Variants in KCNQ1 observed in about 807,000 individuals in gnomAD.
KCNQ1 encodes the protein potassium voltage-gated channel subfamily KQT member 1.
A neutral mutation model predicts 72.4 loss-of-function variants in KCNQ1; 49 were observed. That is an observed-to-expected ratio of 0.68 (90% CI 0.54 to 0.86). The LOEUF is 0.86. Among genes scored for constraint, KCNQ1 ranks in the 40% least tolerant of loss-of-function variants. KCNQ1 has a pLI of 0.00. For missense variants in KCNQ1, 790 were observed against 945.1 expected (o/e 0.84, Z 2.15); for synonymous variants, 450 against 412.6 (o/e 1.09, Z -1.10).
chr11:2,728,584 G>A (rs1302319160), intron 11 of KCNQ1, among the ~76,000 whole-genome samples: 3 of 152,198 alleles, frequency 2.0e-5, no homozygotes, highest in Non-Finnish European at 4.4e-5. Context: ...CAGCAGAGCC[G>A]GGCCTTGGGA....
intron 10 of KCNQ1, chr11:2,619,697 A>G (rs1283069976): frequency 5.1e-6 from 2 of 392,634 alleles, no homozygotes; most frequent in African/African-American, 2.1e-5. Context: ...GTTAGGAAGT[A>G]TTCCCTTTAG....
intron 1 of KCNQ1, among the ~76,000 whole-genome samples, chr11:2,520,529 G>A (rs1847364165): frequency 6.6e-6 from 1 of 152,116 alleles, no homozygotes; most frequent in Non-Finnish European, 1.5e-5. Context: ...CCACTGGTGA[G>A]GGGGGTGACC....
chr11:2,676,726 T>A lies in KCNQ1; in HGVS notation c.1514+14645T>A, dbSNP rs1850301668. On this transcript the variant is annotated intron_variant, in intron 11 of 15. Transcript: ENST00000155840. The surrounding 1 kb of genome is among the most constrained non-coding windows in gnomAD (Gnocchi z 4.2). The stretch of plus-strand genomic sequence containing the variant: ...GCAGGAGATAACCAAGTCATATGCA[T>A]AGTGGCTTTGGGTACGATGGTCTGC... The A allele has an allele frequency of 2.5e-6, 1 of 398,538 alleles. No individual in the cohort carries two copies. The highest frequency in any genetic ancestry group is 4.4e-6 in the Non-Finnish European group (1 of 226,094). The allele number at this position is 398,538 out of a possible 1,614,324, so 24.7% of individuals were successfully genotyped here.
In KCNQ1 at chr11:2,818,471, T is replaced by A. The variant is rs536740063; in HGVS notation, c.1795-29296T>A. 3.9e-5 allele frequency among the ~76,000 whole-genome samples: 6 copies of A among 152,142 alleles called. No individual in the cohort carries two copies. Among genetic ancestry groups the A allele is most frequent in the Non-Finnish European group, 8.8e-5 (6 of 68,006 alleles). On this transcript the variant is annotated intron_variant, in intron 15 of 15. Transcript: ENST00000155840. The surrounding 1 kb of genome is among the most constrained non-coding windows in gnomAD (Gnocchi z 7.2). ...TCCTCAGAGGAAGAGCAAGGGTAGG[T>A]GCCTCTGGCATGAGCCAGATGATGG...
rs1846880261 is a variant in KCNQ1 at position 2,784,648 on chromosome 11, T to C, written c.1794+6611T>C. 6.6e-6 allele frequency among the ~76,000 whole-genome samples: 1 copy of C among 151,962 alleles called. No individual in the cohort carries two copies. The highest frequency in any genetic ancestry group is 2.4e-5 in the African/African-American group (1 of 41,450). On this transcript the variant is annotated intron_variant, in intron 15 of 15. Coordinates refer to ENST00000155840, the MANE Select transcript of KCNQ1 (RefSeq NM_000218.3). This position sits in a 1 kb window ranked among gnomAD's most constrained non-coding sequence, Gnocchi z 4.7. ...ATTGACAACTTAACAAAATTGAGTATTGTAATCAATGAACATGGTATATCC... is the reference window on the plus strand; with the variant it reads ...ATTGACAACTTAACAAAATTGAGTACTGTAATCAATGAACATGGTATATCC...
rs1464283552 is a variant in KCNQ1 at position 2,478,905 on chromosome 11, C to T, written c.386+33421C>T. 6.6e-6 allele frequency among the ~76,000 whole-genome samples: 1 copy of T among 152,230 alleles called. No homozygotes were observed. Among genetic ancestry groups the T allele is most frequent in the Non-Finnish European group, 1.5e-5 (1 of 68,050 alleles). ...TTAATTCCTAGACACAATTAGGGTA[C>T]AGGCCTTGGATAAATACACCCATTT... is the stretch of plus-strand genomic sequence containing the variant. On this transcript the variant is annotated intron_variant, in intron 1 of 15. Transcript: ENST00000155840. The surrounding 1 kb of genome is among the most constrained non-coding windows in gnomAD (Gnocchi z 4.0).
At chr11:2,820,249 T>A (rs112345568) in intron 15 of KCNQ1, among the ~76,000 whole-genome samples, 239 of 152,336 alleles carry the variant, frequency 1.6e-3, no homozygotes, top group African/African-American at 5.3e-3. Context: ...CCCACACTCT[T>A]GGCATGTAAT....
chr11:2,454,495 G>T (rs1224223679), intron 1 of KCNQ1, among the ~76,000 whole-genome samples: 2 of 152,134 alleles, frequency 1.3e-5, no homozygotes, highest in African/African-American at 4.8e-5. Flanking sequence ...GGTTACTGCT[G>T]AAGACAAATA....
intron 2 of KCNQ1, among the ~76,000 whole-genome samples, chr11:2,569,791 T>C (rs1848301124): frequency 6.6e-6 from 1 of 152,234 alleles, no homozygotes; most frequent in East Asian, 1.9e-4. Context: ...CCAAGCCCAC[T>C]GAGCCTGGCC....
At chr11:2,820,691 T>C (rs1486449232) in intron 15 of KCNQ1, among the ~76,000 whole-genome samples, 1 of 152,228 alleles carries the variant, frequency 6.6e-6, no homozygotes, top group Non-Finnish European at 1.5e-5. Context: ...TTCATTTGTT[T>C]TTCCTGCCCC....
Position 2,745,504 on chromosome 11 carries a change from A to G in KCNQ1, c.1515-23340A>G, listed in dbSNP as rs1846123876. 6.6e-6 allele frequency among the ~76,000 whole-genome samples: 1 copy of G among 152,142 alleles called. No individual in the cohort carries two copies. The highest frequency in any genetic ancestry group is 2.4e-5 in the African/African-American group (1 of 41,436). ...CCATGTCATACTTTCTATCAGCTCT[A>G]TTGATTGATCTTTTGATCCTGCTGA... On this transcript the variant is annotated intron_variant, in intron 11 of 15. Transcript: ENST00000155840. The surrounding 1 kb of genome is among the most constrained non-coding windows in gnomAD (Gnocchi z 6.2).
At chr11:2,556,882 C>A (rs1476635899) in intron 2 of KCNQ1, among the ~76,000 whole-genome samples, 1 of 152,122 alleles carries the variant, frequency 6.6e-6, no homozygotes, top group Non-Finnish European at 1.5e-5. Context: ...ACATGTGGCT[C>A]AACTAAACAA....
intron 11 of KCNQ1, among the ~76,000 whole-genome samples, chr11:2,709,544 G>A (rs1590045990): frequency 6.6e-6 from 1 of 151,984 alleles, no homozygotes; most frequent in Non-Finnish European, 1.5e-5. Context: ...TTTTTAGTAC[G>A]TTCAGAGTTG....
chr11:2,777,666 G>C (rs1846734167), intron 14 of KCNQ1: 1 of 595,388 alleles, frequency 1.7e-6, no homozygotes. Context: ...GTCGCCCTGG[G>C]AGTGGAATGG....
At chr11:2,631,212 C>T (rs754825410) in intron 10 of KCNQ1, 8 of 398,368 alleles carry the variant, frequency 2.0e-5, no homozygotes, top group Non-Finnish European at 3.1e-5. Context: ...TCTATAAATC[C>T]TGTGTGAACA....
intron 7 of KCNQ1, among the ~76,000 whole-genome samples, chr11:2,584,215 T>C (rs1243446524): frequency 6.6e-6 from 1 of 152,160 alleles, no homozygotes; most frequent in Non-Finnish European, 1.5e-5. Flanking sequence ...TATCAGTATG[T>C]TTGCATATGT....
chr11:2,689,748 T>A (rs1850558243), intron 11 of KCNQ1: 1 of 398,540 alleles, frequency 2.5e-6, no homozygotes, highest in South Asian at 1.3e-4. Flanking sequence ...CTCATTTGTT[T>A]ACAGGAGACT....
At chr11:2,461,716 T>G in intron 1 of KCNQ1, 2 of 1,366,066 alleles carry the variant, frequency 1.5e-6, no homozygotes, top group Non-Finnish European at 2.0e-6. Flanking sequence ...TGGCATGGAG[T>G]AGGTACCCCG....
chr11:2,588,615 G>A lies in KCNQ1; in HGVS notation c.1252-98G>A, dbSNP rs1014788483. The A allele has an allele frequency of 2.4e-5, 35 of 1,471,490 alleles. No individual in the cohort carries two copies. The South Asian group carries it at 3.3e-4, about 14-fold the overall frequency. 91.2% of individuals were successfully genotyped at this position (1,471,490 alleles called of 1,614,324 possible). ...TCCCTGTCCGGGTGTATGTGGCGGG[G>A]GCTGGGCTCGGGGCGGCTGCACAGG... On this transcript the variant is annotated intron_variant, in intron 9 of 15. Coordinates refer to ENST00000155840, the MANE Select transcript of KCNQ1 (RefSeq NM_000218.3). The surrounding 1 kb of genome is among the most constrained non-coding windows in gnomAD (Gnocchi z 5.6).
Sources: allele counts gnomAD v4.1 joint callset (sites outside exome capture counted in the v4.1 genomes callset), GRCh38; gene constraint gnomAD v4.1.1; non-coding constraint Gnocchi (gnomAD v3.1); transcripts MANE v1.5; gene names NCBI Gene and HGNC (gene_info 2026-07-23, HGNC 2026-07-21).